The following RALGPS2 variants were observed in gnomAD, a reference collection of about 807,000 sequenced individuals.
RALGPS2 encodes Ral GEF with PH domain and SH3 binding motif 2, also known as ras-specific guanine nucleotide-releasing factor RalGPS2.
A neutral mutation model predicts 86.8 loss-of-function variants in RALGPS2; 43 were observed. The ratio of observed to expected loss-of-function variants is 0.50; its 90% CI spans 0.39 to 0.64. RALGPS2 has a LOEUF of 0.64. Among genes scored for constraint, RALGPS2 ranks in the 30% least tolerant of loss-of-function variants. The pLI, the probability that RALGPS2 is intolerant of heterozygous loss-of-function variation, is 0.00. For synonymous variants in RALGPS2, 243 were observed against 231.3 expected (o/e 1.05, Z -0.46); for missense variants, 536 against 694.6 (o/e 0.77, Z 2.57).
intron 8 of RALGPS2, among the ~76,000 whole-genome samples, chr1:178,840,453 T>C (rs958918167): frequency 3.3e-5 from 5 of 152,076 alleles, no homozygotes; most frequent in African/African-American, 1.2e-4. Flanking sequence ...TTGAAACCAA[T>C]GAGAACAAAG....
chr1:178,853,782 A>G (rs1288665789), intron 8 of RALGPS2: 4 of 1,597,492 alleles, frequency 2.5e-6, no homozygotes, highest in East Asian at 2.3e-5. Flanking sequence ...CAGTCTTTGA[A>G]TGGTCCTATA....
intron 1 of RALGPS2, among the ~76,000 whole-genome samples, chr1:178,743,219 T>C (rs1334475146): frequency 6.6e-6 from 1 of 151,716 alleles, no homozygotes; most frequent in Non-Finnish European, 1.5e-5. Flanking sequence ...ACAGAATAAA[T>C]AAAGAAAAAA....
intron 8 of RALGPS2, among the ~76,000 whole-genome samples, chr1:178,844,039 T>C (rs1234102688): frequency 6.6e-6 from 1 of 152,176 alleles, no homozygotes; most frequent in Non-Finnish European, 1.5e-5. Context: ...GAAGGGAGGC[T>C]TAGTACAGTT....
At chr1:178,854,756 G>T in intron 8 of RALGPS2, among the ~76,000 whole-genome samples, 1 of 152,080 alleles carries the variant, frequency 6.6e-6, no homozygotes, top group Non-Finnish European at 1.5e-5. Flanking sequence ...TGTGTTGCAT[G>T]CATTTGCCCT....
chr1:178,887,580 T>C (rs914291000), intron 13 of RALGPS2, among the ~76,000 whole-genome samples: 2 of 152,198 alleles, frequency 1.3e-5, no homozygotes, highest in Admixed American at 6.5e-5. Context: ...GTTACTAATA[T>C]CTTAATATTG....
intron 8 of RALGPS2, among the ~76,000 whole-genome samples, chr1:178,856,638 T>A (rs182611510): frequency 2.6e-5 from 4 of 151,948 alleles, no homozygotes; most frequent in Admixed American, 1.3e-4. Flanking sequence ...TTCAGAGCCC[T>A]TAACACTATA....
rs567837732 is a variant in RALGPS2 at position 178,761,318 on chromosome 1, A to G, written c.-83-15364A>G. On this transcript the variant is annotated intron_variant, in intron 1 of 19. Coordinates refer to ENST00000367635, the MANE Select transcript of RALGPS2 (RefSeq NM_152663.5). Reference sequence around the variant, plus strand: ...AAAAATTCTTTTTGCTGTCCCAGCTATTCGGGAGGCTGAGGCAGGAGAATG... The same window carrying G: ...AAAAATTCTTTTTGCTGTCCCAGCTGTTCGGGAGGCTGAGGCAGGAGAATG... Among the ~76,000 whole-genome samples, 8 of 151,980 alleles carry G rather than the reference A, an allele frequency of 5.3e-5. No homozygotes were observed. In the East Asian group the frequency reaches 5.8e-4, roughly 11 times the overall value.
intron 1 of RALGPS2, among the ~76,000 whole-genome samples, chr1:178,759,527 C>CT (rs59419655): frequency 0.024 from 2,812 of 115,022 alleles, 50 homozygotes; most frequent in African/African-American, 0.052. Context: ...CAGTTTTGTT[C>CT]TTTTTTTTTT....
chr1:178,912,895 G>A (rs1252495139), intron 19 of RALGPS2, among the ~76,000 whole-genome samples: 2 of 152,012 alleles, frequency 1.3e-5, no homozygotes, highest in African/African-American at 2.4e-5. Context: ...TTTCTTTAAT[G>A]TTTGTCTCTG....
intron 18 of RALGPS2, among the ~76,000 whole-genome samples, chr1:178,905,730 G>A (rs1338017523): frequency 6.6e-6 from 1 of 152,130 alleles, no homozygotes; most frequent in African/African-American, 2.4e-5. Flanking sequence ...ATAGTACATG[G>A]ATCCTTTCTT....
At position 178,910,457 on chromosome 1, in the gene RALGPS2, G is replaced by T. The variant is rs144019002; in HGVS notation, c.1722+3590G>T. 5.5e-3 allele frequency among the ~76,000 whole-genome samples: 840 copies of T among 152,210 alleles called. 5 individuals are homozygous for T. Among genetic ancestry groups the T allele is most frequent in the Non-Finnish European group, 8.4e-3 (572 of 68,012 alleles). ...TCTTTCAGTGCCTAATTTGTTGAGG[G>T]CTTTTAACATGAAAGGATGTTGAAT... is the stretch of plus-strand genomic sequence containing the variant. On this transcript the variant is annotated intron_variant, in intron 19 of 19. Transcript: ENST00000367635.
chr1:178,749,575 CGTT>C (rs1295755118), intron 1 of RALGPS2, among the ~76,000 whole-genome samples: 3 of 152,246 alleles, frequency 2.0e-5, no homozygotes, highest in Non-Finnish European at 2.9e-5. Context: ...TGGTTTGAAA[CGTT>C]GGCCCCTAAT....
intron 8 of RALGPS2, among the ~76,000 whole-genome samples, chr1:178,870,402 G>A (rs1658679558): frequency 6.6e-6 from 1 of 152,084 alleles, no homozygotes. Context: ...TAATCATTGT[G>A]CTGTAAGCCT....
intron 6 of RALGPS2, among the ~76,000 whole-genome samples, chr1:178,812,689 G>A (rs559780649): frequency 6.6e-6 from 1 of 152,102 alleles, no homozygotes; most frequent in African/African-American, 2.4e-5. Context: ...CATTACTCTT[G>A]TAATAAATAC....
At chr1:178,747,319 A>G (rs1296925572) in intron 1 of RALGPS2, 6 of 1,532,858 alleles carry the variant, frequency 3.9e-6, no homozygotes, top group African/African-American at 1.4e-5. Context: ...AAGTAGTATA[A>G]TGAAAGTGAG....
rs149529457 is a variant in RALGPS2, at chr1:178,883,616, T to G, written c.904+83T>G. 1.3e-5 allele frequency: 14 copies of G among 1,038,116 alleles called. No homozygotes were observed. In the African/African-American group the frequency reaches 1.9e-4, roughly 14 times the overall value. 64.3% of individuals were successfully genotyped at this position (1,038,116 alleles called of 1,614,324 possible). ...AATATACTCCAAAGTAAATAAAAAC[T>G]TAGTACATCTTATACTGCATGTAAA... On this transcript the variant is annotated intron_variant, in intron 11 of 19. Transcript: ENST00000367635.
At chr1:178,729,938 ATTATTTAT>A (rs772093950) in intron 1 of RALGPS2, among the ~76,000 whole-genome samples, 1 of 151,974 alleles carries the variant, frequency 6.6e-6, no homozygotes, top group Non-Finnish European at 1.5e-5. Context: ...TTTCAGTTTT[ATTATTTAT>A]TTATTTATTT....
intron 5 of RALGPS2, among the ~76,000 whole-genome samples, chr1:178,811,040 A>G (rs1654951311): frequency 6.6e-6 from 1 of 152,062 alleles, no homozygotes; most frequent in Non-Finnish European, 1.5e-5. Flanking sequence ...TGCAGTTTTA[A>G]TCTTAGAATG....
At chr1:178,827,456 G>A (rs1024246339) in intron 7 of RALGPS2, among the ~76,000 whole-genome samples, 10 of 147,952 alleles carry the variant, frequency 6.8e-5, no homozygotes, top group African/African-American at 2.0e-4. Flanking sequence ...GTGCAGTGGC[G>A]GGATCTCGGC....
Sources: allele counts gnomAD v4.1 joint callset (sites outside exome capture counted in the v4.1 genomes callset), GRCh38; gene constraint gnomAD v4.1.1; transcripts MANE v1.5; gene names NCBI Gene and HGNC (gene_info 2026-07-23, HGNC 2026-07-21).